Variants in GP6 observed in about 807,000 individuals in gnomAD.
GP6 encodes the protein glycoprotein VI platelet.
GP6 carries 45 observed loss-of-function variants against 37.3 expected under a neutral mutation model. The observed-to-expected ratio is 1.21, with a 90% CI of 0.95 to 1.55. The LOEUF (loss-of-function observed/expected upper bound fraction) is 1.55. GP6 is among the 40% of genes most tolerant of loss of function. GP6 has a pLI of 0.00. For missense variants in GP6, 813 were observed against 760.2 expected (o/e 1.07, Z -0.82); for synonymous variants, 340 against 316.4 (o/e 1.07, Z -0.79).
chr19:55,024,833 A>C (rs924066587), intron 5 of GP6, among the ~76,000 whole-genome samples: 1 of 152,152 alleles, frequency 6.6e-6, no homozygotes, highest in Non-Finnish European at 1.5e-5. Flanking sequence ...CCGCTGATCA[A>C]TGCATTCAGT....
chr19:55,015,257 T>C (rs2073829514), intron 7 of GP6, 92 bp from the exon 8 acceptor site: 2 of 1,544,528 alleles, frequency 1.3e-6, no homozygotes, highest in Non-Finnish European at 1.7e-6. Context: ...GATCCTATTA[T>C]TCTCTACTAG....
At chr19:55,031,120 T>A (rs528632298) in intron 3 of GP6, among the ~76,000 whole-genome samples, 18 of 152,314 alleles carry the variant, frequency 1.2e-4, no homozygotes, top group African/African-American at 4.1e-4. Flanking sequence ...AGTGCTGGGA[T>A]TACAGGTGTA....
chr19:55,032,507 A>G lies in GP6; in HGVS notation c.66T>C (p.Ser22=). Residue 22 remains serine (S), a splice_region_variant and synonymous_variant, in exon 2 of 8, where the codon AGT becomes AGC. Transcript: ENST00000310373. ...GAAGGGGTCTGGGGAAGGACTCACC[A>G]CTCTGCGCTGGCACACGCCCCAGAC... The G allele has an allele frequency of 6.2e-7, 1 of 1,613,762 alleles. No homozygotes were observed. Among genetic ancestry groups the G allele is most frequent in the Non-Finnish European group, 8.5e-7 (1 of 1,179,960 alleles).
chr19:55,015,751 G>C lies in GP6; in HGVS notation c.725-18C>G, dbSNP rs371558788. Reference sequence around the variant, plus strand: ...AGAAGTCTCTGGGAACCAAACAAAGGCTAAGTGTGAAATGAAACCATATTC... The same window carrying C: ...AGAAGTCTCTGGGAACCAAACAAAGCCTAAGTGTGAAATGAAACCATATTC... On this transcript the variant is annotated intron_variant, in intron 6 of 7. Coordinates refer to ENST00000310373, the MANE Select transcript of GP6 (RefSeq NM_001083899.2). 2 of 1,436,418 alleles carry C rather than the reference G, an allele frequency of 1.4e-6. No individual in the cohort carries two copies. The highest frequency in any genetic ancestry group is 2.3e-5 in the South Asian group (2 of 87,612). The allele number at this position is 1,436,418 out of a possible 1,614,324, so 89.0% of individuals were successfully genotyped here.
chr19:55,035,726 A>G (rs2074805398), intron 1 of GP6, among the ~76,000 whole-genome samples: 1 of 152,014 alleles, frequency 6.6e-6, no homozygotes, highest in Non-Finnish European at 1.5e-5. Context: ...CAAAAAATAA[A>G]AATAAATAAA....
intron 3 of GP6, among the ~76,000 whole-genome samples, chr19:55,030,365 C>T (rs1394394013): frequency 6.7e-6 from 1 of 150,244 alleles, no homozygotes; most frequent in African/African-American, 2.5e-5. Flanking sequence ...TTTTTTTTCC[C>T]AAGACGGAGT....
intron 3 of GP6, among the ~76,000 whole-genome samples, chr19:55,031,406 C>A (rs1488813273): frequency 6.6e-6 from 1 of 152,072 alleles, no homozygotes; most frequent in Non-Finnish European, 1.5e-5. Context: ...TATGAACAGC[C>A]ACTGCACTCC....
At chr19:55,019,107 C>CTTTTTTTTTTT (rs538058206) in intron 5 of GP6, among the ~76,000 whole-genome samples, 1 of 132,870 alleles carries the variant, frequency 7.5e-6, no homozygotes, top group Admixed American at 7.9e-5. Context: ...TCTTTTTTTT[C>CTTTTTTTTTTT]TTTTTTTTTT....
chr19:55,016,199 C>CT (rs2073867601), intron 6 of GP6, among the ~76,000 whole-genome samples: 1 of 151,970 alleles, frequency 6.6e-6, no homozygotes, highest in Middle Eastern at 3.4e-3. Flanking sequence ...AACCCCAACT[C>CT]TATCACCTAT....
At chr19:55,026,459 CATA>C (rs1176579217) in intron 4 of GP6, among the ~76,000 whole-genome samples, 1 of 135,578 alleles carries the variant, frequency 7.4e-6, no homozygotes, top group African/African-American at 2.6e-5. Context: ...ACTGACTTAG[CATA>C]ATGTCCTCAA....
chr19:55,021,319 G>A (rs984807198), intron 5 of GP6, among the ~76,000 whole-genome samples: 4 of 148,246 alleles, frequency 2.7e-5, no homozygotes, highest in Admixed American at 6.7e-5. Context: ...AGCCGAGATC[G>A]CACCACTGCA....
Position 55,014,925 on chromosome 19 carries a change from G to C in GP6, c.1020C>G (p.Phe340Leu), listed in dbSNP as rs754606143. The C allele has an allele frequency of 6.2e-7, 1 of 1,613,566 alleles. No individual in the cohort carries two copies. The highest frequency in any genetic ancestry group is 8.5e-7 in the Non-Finnish European group (1 of 1,179,966). ...ACCGTGCCTGGGGTTCAGCGGTCAT[G>C]AACATAACCCGCGGCTGTGAACATC... is the stretch of plus-strand genomic sequence containing the variant. The change falls in exon 8 of 8, where the codon TTC becomes TTG. Residue 340 changes from phenylalanine to leucine, a missense_variant. Physicochemically the swap from Phe to Leu is conservative, Grantham distance 22. Coordinates refer to ENST00000310373, the MANE Select transcript of GP6 (RefSeq NM_001083899.2).
chr19:55,024,315 C>CACACACACGCACGCAT (rs2074207515), intron 5 of GP6, among the ~76,000 whole-genome samples: 1 of 135,644 alleles, frequency 7.4e-6, no homozygotes, highest in Non-Finnish European at 1.5e-5. Flanking sequence ...CACATATGCA[C>CACACACACGCACGCAT]GCACACACAC....
Position 55,032,913 on chromosome 19 carries a change from G to A in GP6, c.35-375C>T. Reference sequence around the variant, plus strand: ...TGGACTCGTTCGTGTTAGACACGGTGGGCTCGTTCGTGTTAGACACGGTGG... The same window carrying A: ...TGGACTCGTTCGTGTTAGACACGGTAGGCTCGTTCGTGTTAGACACGGTGG... On this transcript the variant is annotated intron_variant, in intron 1 of 7. Transcript: ENST00000310373. 1.1e-5 allele frequency: 4 copies of A among 376,638 alleles called. 1 individual carries two copies. The South Asian group carries it at 1.1e-4, about 10-fold the overall frequency. The allele number at this position is 376,638 out of a possible 1,614,324, so 23.3% of individuals were successfully genotyped here.
intron 1 of GP6, among the ~76,000 whole-genome samples, chr19:55,037,623 C>G (rs1160329930): frequency 6.0e-5 from 3 of 50,410 alleles, no homozygotes; most frequent in Non-Finnish European, 1.1e-4. Context: ...GGCACTCAGC[C>G]TTTTTTTTTT....
intron 1 of GP6, among the ~76,000 whole-genome samples, chr19:55,034,089 T>C (rs2074718979): frequency 6.6e-6 from 1 of 151,302 alleles, no homozygotes; most frequent in African/African-American, 2.4e-5. Context: ...TACATGTGTA[T>C]GTACATATAC....
intron 1 of GP6, among the ~76,000 whole-genome samples, chr19:55,033,550 G>A (rs1221925741): frequency 2.0e-5 from 3 of 152,034 alleles, no homozygotes; most frequent in African/African-American, 7.3e-5. Context: ...CGGTGGGCTC[G>A]TTCGTGTTAG....
chr19:55,026,966 G>T (rs866314869), intron 4 of GP6, among the ~76,000 whole-genome samples: 20 of 139,296 alleles, frequency 1.4e-4, no homozygotes, highest in Admixed American at 2.9e-4. Context: ...CCCACCTCTG[G>T]CCCCGCCCCT....
intron 3 of GP6, among the ~76,000 whole-genome samples, chr19:55,031,878 C>T (rs1292629501): frequency 5.9e-5 from 9 of 152,178 alleles, no homozygotes; most frequent in Admixed American, 2.6e-4. Context: ...AGGGCTGAGG[C>T]GGGAGAATCG....
Sources: gnomAD v4.1 joint callset for allele counts (sites outside exome capture counted in the v4.1 genomes callset) on GRCh38, gnomAD v4.1.1 for gene constraint, MANE v1.5 for transcripts, NCBI Gene and HGNC (gene_info 2026-07-23, HGNC 2026-07-21) for gene names.